Variants in PPEF1 observed in about 807,000 individuals in gnomAD.
The protein encoded by PPEF1 is serine/threonine-protein phosphatase with EF-hands 1.
A neutral mutation model predicts 53.3 loss-of-function variants in PPEF1; 12 were observed. That is an observed-to-expected ratio of 0.23 (90% confidence interval 0.14 to 0.36). The LOEUF is 0.36. PPEF1 is among the 10% of genes least tolerant of loss of function. The pLI is 1.00. For synonymous variants in PPEF1, 165 were observed against 176.7 expected, an observed-to-expected ratio of 0.93 and a Z score of 0.52; for missense variants, 334 against 490.4, an observed-to-expected ratio of 0.68 and a Z score of 3.01.
intron 11 of PPEF1, among the ~76,000 whole-genome samples, chrX:18,805,837 A>G (rs185850896): frequency 1.1e-4 from 6 of 54,842 alleles, no homozygotes; most frequent in Non-Finnish European, 1.8e-4. Flanking sequence ...GCGAGACTCC[A>G]TCTTAAAAAA....
Position 18,795,870 on chromosome X carries a change from G to A in PPEF1, c.1065+6597G>A, listed in dbSNP as rs752037646. 3.6e-5 allele frequency among the ~76,000 whole-genome samples: 4 copies of A among 112,071 alleles called. No individual in the cohort carries two copies. In the East Asian group the frequency reaches 8.4e-4, roughly 24 times the overall value. On this transcript the variant is annotated intron_variant, in intron 10 of 15. Coordinates refer to ENST00000470157, the MANE Select transcript of PPEF1 (RefSeq NM_001377996.1). Reference sequence around the variant, plus strand: ...TGATTCCAAATTTGTTGGACTCTACGCTTCTCATTTTTGACTGCTAGGTCA... The same window carrying A: ...TGATTCCAAATTTGTTGGACTCTACACTTCTCATTTTTGACTGCTAGGTCA...
upstream of PPEF1, among the ~76,000 whole-genome samples, chrX:18,675,533 C>T (rs746495637): frequency 1.8e-5 from 2 of 113,030 alleles, no homozygotes; most frequent in African/African-American, 6.4e-5. Flanking sequence ...TTCTTCCCCT[C>T]CCGAGGACAG....
intron 4 of PPEF1, among the ~76,000 whole-genome samples, chrX:18,755,044 G>A (rs1362855514): frequency 9.0e-6 from 1 of 111,658 alleles, no homozygotes; most frequent in East Asian, 2.8e-4. Flanking sequence ...CAGACTCTGA[G>A]TTTAAAATAA....
intron 1 of PPEF1, among the ~76,000 whole-genome samples, chrX:18,711,035 C>T (rs945360775): frequency 2.0e-5 from 2 of 99,637 alleles, no homozygotes; most frequent in Middle Eastern, 5.3e-3. Flanking sequence ...TGTATATATA[C>T]GTATATATGT....
intron 4 of PPEF1, among the ~76,000 whole-genome samples, chrX:18,756,545 G>A (rs1399697751): frequency 6.2e-5 from 7 of 112,108 alleles, no homozygotes; most frequent in Non-Finnish European, 3.8e-5. Flanking sequence ...TTAAAAGAAT[G>A]TGACTATTTT....
At chrX:18,682,066 G>A (rs985515823), upstream of PPEF1, among the ~76,000 whole-genome samples, 7 of 112,829 alleles carry the variant, frequency 6.2e-5, no homozygotes, top group African/African-American at 2.3e-4. Flanking sequence ...GACACCAGAT[G>A]GCTCACAGGA....
chrX:18,711,733 C>T (rs2044333340), intron 1 of PPEF1, among the ~76,000 whole-genome samples: 1 of 108,197 alleles, frequency 9.2e-6, no homozygotes, highest in Admixed American at 1.0e-4. Flanking sequence ...TATGCCAGTA[C>T]CAGTGTCTGG....
intron 1 of PPEF1, among the ~76,000 whole-genome samples, chrX:18,727,366 C>T (rs1272841705): frequency 7.2e-5 from 8 of 111,236 alleles, no homozygotes; most frequent in Non-Finnish European, 1.3e-4. Flanking sequence ...TTCAGGTGAC[C>T]CTAGAGCCTC....
intron 4 of PPEF1, among the ~76,000 whole-genome samples, chrX:18,691,270 G>A (rs948149207): frequency 8.9e-6 from 1 of 112,069 alleles, no homozygotes; most frequent in Non-Finnish European, 1.9e-5. Flanking sequence ...TGTATAGGGT[G>A]AAACTGGGTC....
intron 6 of PPEF1, among the ~76,000 whole-genome samples, chrX:18,774,412 G>A (rs952166004): frequency 1.8e-5 from 2 of 112,097 alleles, no homozygotes; most frequent in East Asian, 5.6e-4. Flanking sequence ...TGTTAGTATG[G>A]TTATTTAGTT....
intron 10 of PPEF1, among the ~76,000 whole-genome samples, chrX:18,803,635 TTTGCAGAGTTGAGGTCTCACCATG>T (rs1312794499): frequency 1.8e-5 from 2 of 111,335 alleles, no homozygotes; most frequent in Middle Eastern, 4.6e-3. Context: ...TTTTGTATTT[TTTGCAGAGTTGAGGTCTCACCATG>T]TTGCCCAGGC....
intron 3 of PPEF1, among the ~76,000 whole-genome samples, chrX:18,738,484 C>T (rs935017528): frequency 4.5e-5 from 5 of 111,891 alleles, no homozygotes; most frequent in Middle Eastern, 4.6e-3. Flanking sequence ...GAGTTTCTGC[C>T]GAGAGATCCG....
intron 9 of PPEF1, among the ~76,000 whole-genome samples, chrX:18,785,732 A>G (rs1396678722): frequency 1.8e-5 from 2 of 110,683 alleles, no homozygotes; most frequent in Non-Finnish European, 3.8e-5. Flanking sequence ...AAAAGAAAAA[A>G]TTAGCCAGGT....
intron 6 of PPEF1, among the ~76,000 whole-genome samples, chrX:18,768,943 A>G (rs750892542): frequency 8.9e-6 from 1 of 112,611 alleles, no homozygotes; most frequent in Admixed American, 9.4e-5. Flanking sequence ...TTAGTAATTT[A>G]GTAAGTGCCT....
intron 13 of PPEF1, among the ~76,000 whole-genome samples, chrX:18,821,758 C>CGAGAGAGAGAGAGAGAGAGAGAGA (rs754652406): frequency 2.4e-4 from 7 of 28,664 alleles, no homozygotes; most frequent in Admixed American, 7.9e-4. Flanking sequence ...GAAACCATGG[C>CGAGAGAGAGAGAGAGAGAGAGAGA]GAGAGAGAGA....
chrX:18,808,646 C>T (rs1602477737), intron 12 of PPEF1, among the ~76,000 whole-genome samples: 2 of 110,139 alleles, frequency 1.8e-5, no homozygotes, highest in Non-Finnish European at 3.8e-5. Flanking sequence ...AACAGGTATA[C>T]GAAAAGATGC....
chrX:18,711,223 C>T (rs1347791846), intron 1 of PPEF1, among the ~76,000 whole-genome samples: 1 of 99,670 alleles, frequency 1.0e-5, no homozygotes, highest in Non-Finnish European at 2.0e-5. Flanking sequence ...AACAGAAAGT[C>T]AAATACCCCA....
chrX:18,690,284 C>T (rs934580177), intron 3 of PPEF1, among the ~76,000 whole-genome samples: 3 of 110,134 alleles, frequency 2.7e-5, no homozygotes, highest in Non-Finnish European at 5.7e-5. Context: ...AAGGCTTCTC[C>T]GTGAACTTTT....
chrX:18,678,553 C>T (rs182896980), upstream of PPEF1, among the ~76,000 whole-genome samples: 12 of 112,225 alleles, frequency 1.1e-4, no homozygotes, highest in African/African-American at 3.6e-4. Context: ...GTCTGGTGCT[C>T]TCTCCAGTTC....
Sources: gnomAD v4.1 joint callset for allele counts (sites outside exome capture counted in the v4.1 genomes callset) on GRCh38, gnomAD v4.1.1 for gene constraint, MANE v1.5 for transcripts, NCBI Gene and HGNC (gene_info 2026-07-23, HGNC 2026-07-21) for gene names.